TMEM163: variants seen among roughly 807,000 people sequenced by gnomAD.
TMEM163 encodes the protein transmembrane protein 163.
TMEM163 carries 17 observed loss-of-function variants against 29.3 expected under a neutral mutation model. The observed-to-expected ratio is 0.58, with a 90% CI of 0.40 to 0.87. The LOEUF is 0.87. Ranked by LOEUF, TMEM163 falls within the 40% of genes least tolerant of loss-of-function variation. The pLI is 0.00. For missense variants in TMEM163, 303 were observed against 381.5 expected (o/e 0.79, Z 1.71); for synonymous variants, 157 against 160.6 (o/e 0.98, Z 0.17).
rs529432116 is a variant in TMEM163, at chr2:134,540,173, C to G, written c.458+10397G>C. Among the ~76,000 whole-genome samples, 4 of 152,332 alleles carry G rather than the reference C, an allele frequency of 2.6e-5. No individual in the cohort carries two copies. In the East Asian group the frequency reaches 7.7e-4, roughly 29 times the overall value. ...CCTTTTGGCAAATGCTTCCTGGCAG[C>G]AGGTGCCAGAGGACGGGCTACAGCT... On this transcript the variant is annotated intron_variant, in intron 4 of 7. Transcript: ENST00000281924.
rs147742879 is a variant in TMEM163, at chr2:134,713,216, G to A, written c.306C>T (p.Leu102=). 19 of 1,613,954 alleles carry A rather than the reference G, an allele frequency of 1.2e-5. No individual in the cohort carries two copies. Among genetic ancestry groups the A allele is most frequent in the East Asian group, 4.5e-5 (2 of 44,894 alleles). Residue 102 remains leucine, a synonymous_variant, in exon 2 of 8, where the codon CTC becomes CTT. Transcript: ENST00000281924. ...SWFSIIVTLA[L]AVAAFTVSVM... ...GATACTCACTAAAGGCAGCCACCGC[G>A]AGGGCCAGGGTGACAATGATGGAGA...
chr2:134,506,849 A>C (rs1465295789), intron 4 of TMEM163, among the ~76,000 whole-genome samples: 1 of 152,224 alleles, frequency 6.6e-6, no homozygotes, highest in Non-Finnish European at 1.5e-5. Context: ...TAATTGCTCC[A>C]TCAGCAATCC....
intron 2 of TMEM163, among the ~76,000 whole-genome samples, chr2:134,641,351 G>A (rs540563350): frequency 2.4e-4 from 37 of 152,282 alleles, no homozygotes; most frequent in African/African-American, 7.9e-4. Context: ...GAAATTGATT[G>A]TGAGCATGAA....
At chr2:134,698,160 T>C (rs1372041764) in intron 2 of TMEM163, among the ~76,000 whole-genome samples, 1 of 152,232 alleles carries the variant, frequency 6.6e-6, no homozygotes, top group Non-Finnish European at 1.5e-5. Flanking sequence ...ACCCAGTAGA[T>C]ACCAGTAGCA....
At chr2:134,569,943 C>A (rs1558948673) in intron 2 of TMEM163, among the ~76,000 whole-genome samples, 1 of 152,270 alleles carries the variant, frequency 6.6e-6, no homozygotes, top group East Asian at 1.9e-4. Flanking sequence ...TCCAGCAAAT[C>A]CACACCATAG....
intron 2 of TMEM163, among the ~76,000 whole-genome samples, chr2:134,674,517 A>G (rs1684069787): frequency 3.2e-5 from 1 of 31,356 alleles, no homozygotes. Context: ...GCGCTACCAT[A>G]TCTGGCTAAT....
chr2:134,578,767 C>T (rs1045480319), intron 2 of TMEM163, among the ~76,000 whole-genome samples: 1 of 151,972 alleles, frequency 6.6e-6, no homozygotes, highest in African/African-American at 2.4e-5. Flanking sequence ...TGTGTGTGTG[C>T]ATGTGTGTGT....
chr2:134,621,220 T>A (rs1682723985), intron 2 of TMEM163, among the ~76,000 whole-genome samples: 1 of 152,166 alleles, frequency 6.6e-6, no homozygotes. Context: ...AATAAGCACA[T>A]GAAGAGATGC....
intron 2 of TMEM163, among the ~76,000 whole-genome samples, chr2:134,563,021 A>G (rs1362820958): frequency 1.3e-5 from 2 of 152,222 alleles, no homozygotes; most frequent in Non-Finnish European, 2.9e-5. Context: ...CAGTAATCCA[A>G]ACGATTGTCC....
At chr2:134,457,908 C>G in intron 7 of TMEM163, 124 bp downstream of exon 7, 1 of 1,480,526 alleles carries the variant, frequency 6.8e-7, no homozygotes, top group Non-Finnish European at 9.2e-7. Flanking sequence ...ACTGGTCAGG[C>G]TCAGGAGGGG....
chr2:134,674,529 T>C (rs1684070682), intron 2 of TMEM163, among the ~76,000 whole-genome samples: 1 of 150,628 alleles, frequency 6.6e-6, no homozygotes, highest in South Asian at 2.1e-4. Context: ...CTGGCTAATT[T>C]TTTGTATTTT....
intron 2 of TMEM163, among the ~76,000 whole-genome samples, chr2:134,646,888 A>T (rs1683347865): frequency 6.6e-6 from 1 of 152,234 alleles, no homozygotes. Flanking sequence ...TAAACTATTC[A>T]TCCTCACACT....
At chr2:134,625,073 G>A (rs904485120) in intron 2 of TMEM163, among the ~76,000 whole-genome samples, 1 of 152,042 alleles carries the variant, frequency 6.6e-6, no homozygotes. Context: ...CTTAATTGAT[G>A]CAAATATTGC....
chr2:134,699,771 T>G (rs1220316106), intron 2 of TMEM163, among the ~76,000 whole-genome samples: 2 of 152,332 alleles, frequency 1.3e-5, no homozygotes, highest in African/African-American at 4.8e-5. Flanking sequence ...CATCAATTTT[T>G]GTTTGAGTGC....
chr2:134,478,146 C>G lies in TMEM163; in HGVS notation c.556-11921G>C, dbSNP rs542490226. 6.6e-4 allele frequency among the ~76,000 whole-genome samples: 101 copies of G among 152,348 alleles called. 1 individual carries two copies. Among genetic ancestry groups the G allele is most frequent in the African/African-American group, 2.4e-3 (98 of 41,574 alleles). On this transcript the variant is annotated intron_variant, in intron 5 of 7. Coordinates refer to ENST00000281924, the MANE Select transcript of TMEM163 (RefSeq NM_030923.5). ...CTTCTACCATGATTGTAAGCATCCT[C>G]AGGCCCTCACTAGAAGTCCAGCAGA...
At chr2:134,715,086 G>A (rs1459108764) in intron 1 of TMEM163, among the ~76,000 whole-genome samples, 1 of 152,190 alleles carries the variant, frequency 6.6e-6, no homozygotes, top group South Asian at 2.1e-4. Context: ...CAGTTTGTTT[G>A]CTAGGTATTT....
At chr2:134,469,663 G>C (rs1315329789) in intron 5 of TMEM163, 1 of 152,284 alleles carries the variant, frequency 6.6e-6, no homozygotes, top group African/African-American at 2.4e-5. Flanking sequence ...GCTCGCCCAG[G>C]GGAGAGAGGG....
intron 2 of TMEM163, among the ~76,000 whole-genome samples, chr2:134,595,364 G>A (rs1682052025): frequency 2.0e-5 from 3 of 152,202 alleles, no homozygotes; most frequent in East Asian, 3.9e-4. Flanking sequence ...AGCATGCAGT[G>A]TTTGGTTTTT....
chr2:134,612,533 G>A (rs1682527282), intron 2 of TMEM163, among the ~76,000 whole-genome samples: 1 of 58,838 alleles, frequency 1.7e-5, no homozygotes, highest in Non-Finnish European at 3.7e-5. Flanking sequence ...ACTAATGAAG[G>A]TTTGCCCCAA....
Sources: allele counts gnomAD v4.1 joint callset (sites outside exome capture counted in the v4.1 genomes callset), GRCh38; gene constraint gnomAD v4.1.1; transcripts MANE v1.5; gene names NCBI Gene and HGNC (gene_info 2026-07-23, HGNC 2026-07-21).